The following PPP1R9A variants were observed in gnomAD, a reference collection of about 807,000 sequenced individuals.
PPP1R9A encodes the protein protein phosphatase 1 regulatory subunit 9A, also known as neurabin-1.
A neutral mutation model predicts 141.9 loss-of-function variants in PPP1R9A; 59 were observed. The ratio of observed to expected loss-of-function variants is 0.42; its 90% CI spans 0.34 to 0.52. The LOEUF is 0.52. Ranked by LOEUF, PPP1R9A falls within the 20% of genes least tolerant of loss-of-function variation. The pLI is 0.10. For synonymous variants in PPP1R9A, 500 were observed against 569.7 expected (o/e 0.88, Z 1.74); for missense variants, 1,444 against 1,611.9 (o/e 0.90, Z 1.78).
intron 13 of PPP1R9A, 55 bp from the exon 14 acceptor site, chr7:95,269,152 G>A (rs1429663446): frequency 1.4e-6 from 2 of 1,447,756 alleles, no homozygotes; most frequent in African/African-American, 1.4e-5. Flanking sequence ...AGTAAGTATT[G>A]CATAGAACTG....
At chr7:95,181,056 A>G (rs888065880) in intron 5 of PPP1R9A, among the ~76,000 whole-genome samples, 2 of 151,622 alleles carry the variant, frequency 1.3e-5, no homozygotes, top group Non-Finnish European at 2.9e-5. Context: ...TCATTACATG[A>G]TAAAGATACT....
At chr7:95,269,910 A>G (rs1338914658) in intron 14 of PPP1R9A, among the ~76,000 whole-genome samples, 1 of 152,212 alleles carries the variant, frequency 6.6e-6, no homozygotes, top group African/African-American at 2.4e-5. Flanking sequence ...GGAAAAAAAG[A>G]CGAAGATCAA....
chr7:95,177,871 C>T (rs1221344396), intron 5 of PPP1R9A, among the ~76,000 whole-genome samples: 1 of 151,860 alleles, frequency 6.6e-6, no homozygotes, highest in Non-Finnish European at 1.5e-5. Context: ...AGAGGAGCTC[C>T]CAAATTTATA....
At chr7:95,280,325 G>C (rs1250384114) in intron 16 of PPP1R9A, among the ~76,000 whole-genome samples, 1 of 152,050 alleles carries the variant, frequency 6.6e-6, no homozygotes, top group Non-Finnish European at 1.5e-5. Flanking sequence ...CATCTGTTCT[G>C]GCAGTTTCTG....
At chr7:94,966,081 A>G (rs374201817) in intron 2 of PPP1R9A, among the ~76,000 whole-genome samples, 1 of 151,832 alleles carries the variant, frequency 6.6e-6, no homozygotes, top group Non-Finnish European at 1.5e-5. Context: ...CTTTGTAGCA[A>G]TTGTGAATGT....
At chr7:95,239,779 A>G (rs1003175583) in intron 8 of PPP1R9A, among the ~76,000 whole-genome samples, 1 of 151,846 alleles carries the variant, frequency 6.6e-6, no homozygotes, top group African/African-American at 2.4e-5. Flanking sequence ...AAATTAAAAT[A>G]TTAAAAATGA....
At chr7:95,270,288 A>G (rs1585561671) in intron 14 of PPP1R9A, among the ~76,000 whole-genome samples, 1 of 152,130 alleles carries the variant, frequency 6.6e-6, no homozygotes, top group East Asian at 1.9e-4. Flanking sequence ...ATTGGTTGCC[A>G]TTTATCTAGA....
intron 12 of PPP1R9A, among the ~76,000 whole-genome samples, chr7:95,266,863 T>A (rs1801377479): frequency 6.6e-6 from 1 of 152,146 alleles, no homozygotes; most frequent in African/African-American, 2.4e-5. Context: ...TCACAACTAA[T>A]GAACTCTTAA....
rs10670515 is a variant in PPP1R9A at position 95,208,956 on chromosome 7, TA to T, written c.1956+5248del. Among the ~76,000 whole-genome samples, 67 of 76,904 alleles carry T rather than the reference TA, an allele frequency of 8.7e-4. 1 individual carries two copies. Among genetic ancestry groups the T allele is most frequent in the Middle Eastern group, 0.025 (2 of 80 alleles). The allele number at this position is 76,904 out of a possible 152,430, so 50.5% of individuals were successfully genotyped here. On this transcript the variant is annotated intron_variant, in intron 7 of 19. Transcript: ENST00000433360. ...TTTGGATATAAAAATATAGCAAAAC[TA>T]AAAAAAAAAAAAAAAAAAAAACTCT...
intron 14 of PPP1R9A, among the ~76,000 whole-genome samples, chr7:95,270,210 A>T (rs854525): frequency 0.28 from 42,668 of 152,140 alleles, 7,293 homozygotes; most frequent in Middle Eastern, 0.44. Context: ...AAGCTTCCTG[A>T]TGCCTGGTCT....
At chr7:95,077,587 G>A (rs1815052636) in intron 2 of PPP1R9A, among the ~76,000 whole-genome samples, 1 of 152,072 alleles carries the variant, frequency 6.6e-6, no homozygotes, top group Non-Finnish European at 1.5e-5. Context: ...CCTCTGCATT[G>A]TTAGCTGCCC....
chr7:94,988,780 T>C (rs1365774723), intron 2 of PPP1R9A, among the ~76,000 whole-genome samples: 2 of 152,064 alleles, frequency 1.3e-5, no homozygotes, highest in South Asian at 2.1e-4. Context: ...CAAATACATA[T>C]ACATATACTT....
chr7:95,040,289 A>G (rs1289275506), intron 2 of PPP1R9A, among the ~76,000 whole-genome samples: 1 of 152,044 alleles, frequency 6.6e-6, no homozygotes, highest in Non-Finnish European at 1.5e-5. Context: ...AATATAACAC[A>G]GATTTTAAAG....
chr7:95,071,517 C>T (rs1016703395), intron 2 of PPP1R9A, among the ~76,000 whole-genome samples: 9 of 151,642 alleles, frequency 5.9e-5, no homozygotes, highest in Non-Finnish European at 1.0e-4. Flanking sequence ...ACTGTGGATG[C>T]GTGGGAAAAG....
At chr7:95,155,193 T>C (rs1264093800) in intron 4 of PPP1R9A, 2 of 113,922 alleles carry the variant, frequency 1.8e-5, no homozygotes, top group East Asian at 5.9e-4. Context: ...TTCTTTTTTT[T>C]TTTTTTTTTT....
intron 2 of PPP1R9A, among the ~76,000 whole-genome samples, chr7:95,027,495 A>C (rs183437128): frequency 2.0e-5 from 3 of 152,270 alleles, no homozygotes; most frequent in Non-Finnish European, 4.4e-5. Flanking sequence ...GCGTTGATCT[A>C]GCTGGGTGCT....
intron 4 of PPP1R9A, among the ~76,000 whole-genome samples, chr7:95,123,002 A>C (rs1377734823): frequency 6.6e-6 from 1 of 152,126 alleles, no homozygotes; most frequent in Non-Finnish European, 1.5e-5. Flanking sequence ...GATTAAAAGA[A>C]GAAAAAGTCA....
At chr7:95,146,860 C>T (rs1299310448) in intron 4 of PPP1R9A, among the ~76,000 whole-genome samples, 3 of 152,082 alleles carry the variant, frequency 2.0e-5, no homozygotes, top group African/African-American at 7.2e-5. Flanking sequence ...GCTTATATAT[C>T]TGTTTTGGTA....
intron 16 of PPP1R9A, among the ~76,000 whole-genome samples, chr7:95,275,967 T>C (rs2153061979): frequency 6.6e-6 from 1 of 152,350 alleles, no homozygotes; most frequent in East Asian, 1.9e-4. Context: ...TGAGGCTATA[T>C]GCATCTCGAA....
Sources: gnomAD v4.1 joint callset for allele counts (sites outside exome capture counted in the v4.1 genomes callset) on GRCh38, gnomAD v4.1.1 for gene constraint, MANE v1.5 for transcripts, NCBI Gene and HGNC (gene_info 2026-07-23, HGNC 2026-07-21) for gene names.